Variants in STAU1 observed in about 807,000 individuals in gnomAD.
STAU1 encodes double-stranded RNA-binding protein Staufen homolog 1.
Under a neutral mutation model 62.9 loss-of-function variants are expected in STAU1, and 13 were observed. That is an observed-to-expected ratio of 0.21 (90% CI 0.13 to 0.33). STAU1 has a LOEUF of 0.33. STAU1 is among the 10% of genes least tolerant of loss of function. The probability of loss-of-function intolerance (pLI) is 1.00; values close to 1 mark genes in which losing one functional copy is unlikely to be tolerated. For missense variants in STAU1, 571 were observed against 712.1 expected, an observed-to-expected ratio of 0.80 and a Z score of 2.25; for synonymous variants, 269 against 265.1, an observed-to-expected ratio of 1.01 and a Z score of -0.14.
chr20:49,203,034 T>C, the STAU1 span, among the ~76,000 whole-genome samples: 1 of 152,126 alleles, frequency 6.6e-6, no homozygotes, highest in African/African-American at 2.4e-5. Flanking sequence ...AGAGGGATGC[T>C]CTGTCTCAAA....
chr20:49,202,075 C>CCAGGTG, the STAU1 span, among the ~76,000 whole-genome samples: 1 of 150,042 alleles, frequency 6.7e-6, no homozygotes, highest in Non-Finnish European at 1.5e-5. Context: ...AAAAAATTAG[C>CCAGGTG]TGGGCATGGT....
intron 2 of STAU1, among the ~76,000 whole-genome samples, chr20:49,169,560 T>A (rs2093571213): frequency 6.6e-6 from 1 of 152,198 alleles, no homozygotes; most frequent in African/African-American, 2.4e-5. Context: ...CCAGGTAAAT[T>A]AAGGACTTGA....
upstream of STAU1, among the ~76,000 whole-genome samples, chr20:49,193,106 G>A (rs183345710): frequency 6.2e-3 from 950 of 152,286 alleles, 3 homozygotes; most frequent in Non-Finnish European, 7.9e-3. Context: ...GCTGGGTGCA[G>A]TGACTCACGC....
In STAU1 at chr20:49,117,289, A is replaced by G; in HGVS notation, c.1510-41T>C. The G allele has an allele frequency of 1.2e-6, 2 of 1,610,416 alleles. No homozygotes were observed. Among genetic ancestry groups the G allele is most frequent in the Non-Finnish European group, 1.7e-6 (2 of 1,177,754 alleles). ...GAGCTGAGGCTAGGTAGGGAACAGC[A>G]AGTATGAGTGGGCTGGAGGGCTGCA... On this transcript the variant is annotated intron_variant, in intron 11 of 13. Coordinates refer to ENST00000371856, the MANE Select transcript of STAU1 (RefSeq NM_017453.4). The surrounding 1 kb of genome is among the most constrained non-coding windows in gnomAD (Gnocchi z 4.6).
At chr20:49,147,848 T>C (rs932350248) in intron 5 of STAU1, among the ~76,000 whole-genome samples, 1 of 152,110 alleles carries the variant, frequency 6.6e-6, no homozygotes, top group Non-Finnish European at 1.5e-5. Flanking sequence ...TACACATCAG[T>C]GAAAAAAGGT....
At chr20:49,164,087 G>A (rs536627870) in intron 3 of STAU1, among the ~76,000 whole-genome samples, 49 of 152,098 alleles carry the variant, frequency 3.2e-4, no homozygotes, top group African/African-American at 9.6e-4. Context: ...CAAAACAGCC[G>A]AGCGTAGTGG....
chr20:49,188,391 CCCCCGGCCCCCGCCCGCCTCCAGGCCCGG>C (rs1600928624), upstream of STAU1: 2 of 150,894 alleles, frequency 1.3e-5, no homozygotes, highest in East Asian at 3.9e-4. Flanking sequence ...CAGGCGCCCG[CCCCCGGCCCCCGCCCGCCTCCAGGCCCGG>C]CCCCGGCCCC....
intron 5 of STAU1, among the ~76,000 whole-genome samples, chr20:49,137,398 C>G (rs749845199): frequency 6.6e-6 from 1 of 152,146 alleles, no homozygotes; most frequent in Non-Finnish European, 1.5e-5. Context: ...GTGCTGATAA[C>G]ATGGATTTTA....
rs1459000587 is a variant in STAU1 at position 49,124,516 on chromosome 20, C to T, written c.681G>A (p.Gly227=). The change falls in exon 7 of 14, where the codon GGG becomes GGA. Residue 227 remains glycine, a synonymous_variant. Transcript: ENST00000371856. Reference sequence around the variant, plus strand: ...TCTTCTTGCTTTTCCCTTCACCTTCCCCCACAAACTCCCCAACCGAAACCT... The same window carrying T: ...TCTTCTTGCTTTTCCCTTCACCTTCTCCCACAAACTCCCCAACCGAAACCT... ...VTKVSVGEFV[G]EGEGKSKKIS... is the part of the protein sequence containing the mutation. 2 of 1,614,020 alleles carry T rather than the reference C, an allele frequency of 1.2e-6. No individual in the cohort carries two copies. The highest frequency in any genetic ancestry group is 1.7e-6 in the Non-Finnish European group (2 of 1,180,038).
chr20:49,206,414 GTTTTTTT>G, the STAU1 span, among the ~76,000 whole-genome samples: 4 of 76,598 alleles, frequency 5.2e-5, no homozygotes, highest in African/African-American at 1.7e-4. Flanking sequence ...CTTCCTTCTG[GTTTTTTT>G]TTTTTTTTTT....
intron 1 of STAU1, among the ~76,000 whole-genome samples, chr20:49,182,157 CAT>C (rs2093733826): frequency 1.3e-5 from 2 of 152,192 alleles, no homozygotes; most frequent in Non-Finnish European, 2.9e-5. Flanking sequence ...AACAAATAAA[CAT>C]ATGTAATCCC....
At chr20:49,186,784 T>C (rs1198883349) in intron 1 of STAU1, among the ~76,000 whole-genome samples, 1 of 151,992 alleles carries the variant, frequency 6.6e-6, no homozygotes, top group Non-Finnish European at 1.5e-5. Flanking sequence ...CACGGATTCC[T>C]GAAACGCCAA....
At chr20:49,162,546 A>G (rs1056742324) in intron 3 of STAU1, among the ~76,000 whole-genome samples, 7 of 152,130 alleles carry the variant, frequency 4.6e-5, no homozygotes, top group African/African-American at 1.7e-4. Context: ...AGGCCGAGGC[A>G]GGCGGATCAC....
chr20:49,207,659 G>T, the STAU1 span, among the ~76,000 whole-genome samples: 1 of 149,684 alleles, frequency 6.7e-6, no homozygotes, highest in Admixed American at 6.7e-5. Flanking sequence ...GGCATTACAG[G>T]CACCCACCAC....
At chr20:49,157,445 C>G (rs1226038124) in intron 3 of STAU1, among the ~76,000 whole-genome samples, 2 of 152,014 alleles carry the variant, frequency 1.3e-5, no homozygotes, top group African/African-American at 4.8e-5. Flanking sequence ...TCCTGAGTAG[C>G]TGGGACTACA....
At position 49,176,919 on chromosome 20, in the gene STAU1, T is replaced by G. The variant is rs189778177; in HGVS notation, c.-159-2650A>C. On this transcript the variant is annotated intron_variant, in intron 1 of 13. Transcript: ENST00000371856. ...TGAGAAGCAGGGTGTCTAGTTTTTT[T>G]TTTTTTTTTTGAGACAGAGTCTCGC... Among the ~76,000 whole-genome samples, 162 of 151,716 alleles carry G rather than the reference T, an allele frequency of 1.1e-3. 4 individuals are homozygous for G. The East Asian group carries it at 0.028, about 26-fold the overall frequency.
chr20:49,137,832 A>ATTTTTTTTTTT (rs34370524), intron 5 of STAU1, among the ~76,000 whole-genome samples: 2 of 128,436 alleles, frequency 1.6e-5, no homozygotes, highest in African/African-American at 2.9e-5. Context: ...CACCCGGCTA[A>ATTTTTTTTTTT]TTTTTTTTTT....
chr20:49,143,083 G>A (rs1024194413), intron 5 of STAU1, among the ~76,000 whole-genome samples: 3 of 152,074 alleles, frequency 2.0e-5, no homozygotes, highest in Non-Finnish European at 1.5e-5. Flanking sequence ...TTATAGGAGT[G>A]AGCCACCGTG....
chr20:49,134,811 T>C, intron 6 of STAU1: 1 of 1,390,532 alleles, frequency 7.2e-7, no homozygotes, highest in Non-Finnish European at 1.0e-6. Context: ...GAGCCTGGTT[T>C]TCCACTTCAC....
Sources: allele counts gnomAD v4.1 joint callset (sites outside exome capture counted in the v4.1 genomes callset), GRCh38; gene constraint gnomAD v4.1.1; non-coding constraint Gnocchi (gnomAD v3.1); transcripts MANE v1.5; gene names NCBI Gene and HGNC (gene_info 2026-07-23, HGNC 2026-07-21).